SDCBP2: variants seen among roughly 807,000 people sequenced by gnomAD.
The protein encoded by SDCBP2 is syntenin-2.
Under a neutral mutation model 30.7 loss-of-function variants are expected in SDCBP2, and 28 were observed. The observed-to-expected ratio is 0.91, with a 90% CI of 0.68 to 1.25. The LOEUF (loss-of-function observed/expected upper bound fraction) is 1.25. SDCBP2 is among the 50% of genes most tolerant of loss of function. SDCBP2 has a pLI of 0.00. For missense variants in SDCBP2, 399 were observed against 379.0 expected (o/e 1.05, Z -0.44); for synonymous variants, 166 against 157.3 (o/e 1.06, Z -0.41).
chr20:1,326,335 C>T (rs2088925484), intron 1 of SDCBP2, among the ~76,000 whole-genome samples: 1 of 152,248 alleles, frequency 6.6e-6, no homozygotes. Flanking sequence ...CTCCCTTTCC[C>T]TTCTGAAGCC....
rs60203352 is a variant in SDCBP2 at position 1,313,797 on chromosome 20, A to G, written c.226-299T>C. On this transcript the variant is annotated intron_variant, in intron 4 of 8. Coordinates refer to ENST00000360779, the MANE Select transcript of SDCBP2 (RefSeq NM_080489.5). The surrounding 1 kb of genome is among the most constrained non-coding windows in gnomAD (Gnocchi z 5.2). ...TGGCATCAGGAAAAGCCTCCTTTAA[A>G]ACCCACTTAAAATAGAAAAAGTCAC... 9.8e-3 allele frequency: 2,649 copies of G among 269,442 alleles called. 63 individuals carry two copies. Among genetic ancestry groups the G allele is most frequent in the African/African-American group, 0.057 (2,513 of 43,832 alleles). 16.7% of individuals were successfully genotyped at this position (269,442 alleles called of 1,614,324 possible).
At chr20:1,315,355 C>A (rs1403502328) in intron 4 of SDCBP2, among the ~76,000 whole-genome samples, 1 of 152,086 alleles carries the variant, frequency 6.6e-6, no homozygotes, top group East Asian at 1.9e-4. Context: ...CAGGGTGAAA[C>A]CTCATCTCTA....
chr20:1,312,110 G>A (rs949585947), intron 7 of SDCBP2, among the ~76,000 whole-genome samples: 9 of 83,678 alleles, frequency 1.1e-4, no homozygotes, highest in African/African-American at 4.5e-4. Context: ...CATTGCCCAG[G>A]CTGGTCTCGT....
intron 4 of SDCBP2, among the ~76,000 whole-genome samples, chr20:1,314,481 T>C (rs1600277964): frequency 2.1e-5 from 1 of 46,748 alleles, no homozygotes; most frequent in Non-Finnish European, 3.6e-5. Flanking sequence ...AGAGCAAGAC[T>C]CCACCTCAAA....
At chr20:1,314,881 T>G (rs2088752758) in intron 4 of SDCBP2, among the ~76,000 whole-genome samples, 1 of 152,230 alleles carries the variant, frequency 6.6e-6, no homozygotes, top group Admixed American at 6.5e-5. Context: ...AAATGGAAGA[T>G]TCTCTGTATT....
intron 5 of SDCBP2, 125 bp from the exon 6 acceptor site, chr20:1,312,887 A>T: frequency 9.4e-7 from 1 of 1,068,882 alleles, no homozygotes; most frequent in East Asian, 2.6e-5. Context: ...ACAGCTCTGC[A>T]TGGCAGGCAC....
intron 3 of SDCBP2, among the ~76,000 whole-genome samples, chr20:1,318,619 AGT>A (rs2088812234): frequency 1.3e-5 from 2 of 152,212 alleles, no homozygotes; most frequent in Admixed American, 6.5e-5. Flanking sequence ...TAGGACACCG[AGT>A]CCTCATGCAC....
intron 1 of SDCBP2, among the ~76,000 whole-genome samples, chr20:1,327,550 G>C (rs1012549528): frequency 6.6e-6 from 1 of 152,248 alleles, no homozygotes; most frequent in African/African-American, 2.4e-5. Context: ...TGCACTGCCT[G>C]CTGGGGAAAA....
At chr20:1,314,008 G>T (rs907038427) in intron 4 of SDCBP2, among the ~76,000 whole-genome samples, 1 of 152,132 alleles carries the variant, frequency 6.6e-6, no homozygotes, top group African/African-American at 2.4e-5. Context: ...CAGATCAGAA[G>T]AGAAGAAATA....
rs2088682760 is a variant in SDCBP2 at position 1,312,186 on chromosome 20, C to T, written c.732+151G>A. On this transcript the variant is annotated intron_variant, in intron 7 of 8. Transcript: ENST00000360779. ...GCACTGGGATTACAGACGTGAGTCA[C>T]CGCACCCAGCCCTACGAACACCGTC... The T allele has an allele frequency of 1.2e-5, 9 of 757,864 alleles. No individual in the cohort carries two copies. The South Asian group carries it at 1.4e-4, about 12-fold the overall frequency. The allele number at this position is 757,864 out of a possible 1,614,324, so 46.9% of individuals were successfully genotyped here. A position where few individuals can be genotyped will look rare whatever the true frequency, so the allele number is the denominator to read the frequency against.
chr20:1,315,529 AAAAC>A (rs869168251), intron 4 of SDCBP2, among the ~76,000 whole-genome samples: 10 of 152,284 alleles, frequency 6.6e-5, no homozygotes, highest in Middle Eastern at 3.4e-3. Context: ...ACCCCATCTC[AAAAC>A]AAACAAACAA....
chr20:1,322,070 G>C (rs1312703100), intron 1 of SDCBP2: 1 of 152,236 alleles, frequency 6.6e-6, no homozygotes, highest in East Asian at 1.9e-4. Context: ...CGTCCTTTCA[G>C]CTGCTACTTT....
At position 1,310,161 on chromosome 20, in the gene SDCBP2, G is replaced by A. The variant is rs760483248; in HGVS notation, c.*280C>T. On this transcript the variant is annotated 3_prime_UTR_variant, in exon 9 of 9. Transcript: ENST00000360779. ...GAAAGGGGCCCAGTTGCGACTTTAA[G>A]CAGCGTTTAAACAGCCTGCCTCCGT... 2 of 347,868 alleles carry A rather than the reference G, an allele frequency of 5.7e-6. No individual in the cohort carries two copies. Among genetic ancestry groups the A allele is most frequent in the African/African-American group, 2.1e-5 (1 of 47,516 alleles). 21.5% of individuals were successfully genotyped at this position (347,868 alleles called of 1,614,324 possible). A position where few individuals can be genotyped will look rare whatever the true frequency, so the allele number is the denominator to read the frequency against.
chr20:1,317,864 G>T, intron 4 of SDCBP2: 1 of 328,064 alleles, frequency 3.0e-6, no homozygotes, highest in Non-Finnish European at 6.0e-6. Context: ...TATGTTTTCA[G>T]TGGCATATAT....
At chr20:1,326,032 C>A (rs1417137019) in intron 1 of SDCBP2, among the ~76,000 whole-genome samples, 1 of 152,180 alleles carries the variant, frequency 6.6e-6, no homozygotes, top group African/African-American at 2.4e-5. Flanking sequence ...GGGACTCAGG[C>A]AGTTGGATGT....
chr20:1,325,737 GGCT>G (rs923828240), intron 1 of SDCBP2: 10 of 152,186 alleles, frequency 6.6e-5, no homozygotes, highest in African/African-American at 2.2e-4. Flanking sequence ...GCGCGCTCCC[GGCT>G]GCTTTTGCTC....
At chr20:1,312,212 T>A in intron 7 of SDCBP2, 125 bp downstream of exon 7, 1 of 965,874 alleles carries the variant, frequency 1.0e-6, no homozygotes. Context: ...GAACACCGTC[T>A]TACTGAACCC....
chr20:1,319,779 G>T, intron 2 of SDCBP2, 120 bp from the exon 3 acceptor site: 2 of 768,482 alleles, frequency 2.6e-6, no homozygotes, highest in Non-Finnish European at 4.1e-6. Flanking sequence ...GGGTGTGGGG[G>T]GAGTGTGCAC....
In SDCBP2 at chr20:1,310,197, TA is replaced by T. The variant is rs2122493747; in HGVS notation, c.*243del. ...ACAGCCTGCCTCCGTGTCCAGCATT[TA>T]AATCAGCACAAGAGAATCGGCTGCC... On this transcript the variant is annotated 3_prime_UTR_variant, in exon 9 of 9. Coordinates refer to ENST00000360779, the MANE Select transcript of SDCBP2 (RefSeq NM_080489.5). The T allele has an allele frequency of 4.6e-6, 2 of 431,352 alleles. No homozygotes were observed. Among genetic ancestry groups the T allele is most frequent in the Admixed American group, 3.9e-5 (1 of 25,440 alleles). The allele number at this position is 431,352 out of a possible 1,614,324, so 26.7% of individuals were successfully genotyped here. A position where few individuals can be genotyped will look rare whatever the true frequency, so the allele number is the denominator to read the frequency against.
Sources: allele counts gnomAD v4.1 joint callset (sites outside exome capture counted in the v4.1 genomes callset), GRCh38; gene constraint gnomAD v4.1.1; non-coding constraint Gnocchi (gnomAD v3.1); transcripts MANE v1.5; gene names NCBI Gene and HGNC (gene_info 2026-07-23, HGNC 2026-07-21).